Variants in REL observed in about 807,000 individuals in gnomAD.
REL encodes REL proto-oncogene, NF-kB subunit.
A neutral mutation model predicts 45.9 loss-of-function variants in REL; 15 were observed. That is an observed-to-expected ratio of 0.33 (90% CI 0.22 to 0.50). The LOEUF is 0.50. Ranked by LOEUF, REL falls within the 20% of genes least tolerant of loss-of-function variation. The pLI, the probability that REL is intolerant of heterozygous loss-of-function variation, is 0.98. For synonymous variants in REL, 239 were observed against 242.1 expected, an observed-to-expected ratio of 0.99 and a Z score of 0.12; for missense variants, 601 against 715.2, an observed-to-expected ratio of 0.84 and a Z score of 1.82.
rs1674283800 is a variant in REL, at chr2:60,927,035, AG to A, written c.*4502del. On this transcript the variant is annotated 3_prime_UTR_variant, in exon 10 of 10. Coordinates refer to ENST00000394479, the MANE Select transcript of REL (RefSeq NM_001291746.2). ...CTGGAACTAGAACACTCATCCTTGA[AG>A]GCTGGGCTTCTGTATGAAGGTTGGT... 1 of 228,588 alleles carries A rather than the reference AG, an allele frequency of 4.4e-6. No individual in the cohort carries two copies. Among genetic ancestry groups the A allele is most frequent in the South Asian group, 1.8e-4 (1 of 5,506 alleles). 14.2% of individuals were successfully genotyped at this position (228,588 alleles called of 1,614,324 possible).
chr2:60,915,728 G>C (rs571082145), intron 4 of REL, among the ~76,000 whole-genome samples: 1 of 152,110 alleles, frequency 6.6e-6, no homozygotes, highest in African/African-American at 2.4e-5. Flanking sequence ...TATTGCTATA[G>C]CTTATGGCAT....
At chr2:60,911,771 C>T (rs1273659121) in intron 4 of REL, among the ~76,000 whole-genome samples, 3 of 151,952 alleles carry the variant, frequency 2.0e-5, no homozygotes, top group African/African-American at 4.8e-5. Context: ...GAGGCCGAGG[C>T]GGGCGGATCA....
At chr2:60,898,622 T>G (rs1673419113) in intron 3 of REL, among the ~76,000 whole-genome samples, 1 of 152,256 alleles carries the variant, frequency 6.6e-6, no homozygotes, top group Non-Finnish European at 1.5e-5. Context: ...AGACTTTTTC[T>G]GTAAAGTACT....
chr2:60,917,050 T>C (rs764698893), intron 5 of REL, 33 bp downstream of exon 5: 15 of 1,562,024 alleles, frequency 9.6e-6, no homozygotes, highest in Non-Finnish European at 1.3e-5. Context: ...TTTGTAGTCT[T>C]AACTTGTTTT....
chr2:60,882,737 C>T (rs534183129), intron 1 of REL, among the ~76,000 whole-genome samples: 2 of 151,922 alleles, frequency 1.3e-5, no homozygotes, highest in South Asian at 2.1e-4. Context: ...CCTAATCTGA[C>T]GAATAGAGAC....
rs755936187 is a variant in REL, at chr2:60,901,148, C to CCCTTTTTTTTTTTTTTTTTT, written c.394+65_394+66insCCTTTTTTTTTTTTTTTTTT. 7.2e-6 allele frequency: 6 copies of CCCTTTTTTTTTTTTTTTTTT among 832,874 alleles called. 3 individuals are homozygous for CCCTTTTTTTTTTTTTTTTTT. The highest frequency in any genetic ancestry group is 4.8e-5 in the African/African-American group (2 of 41,388). 51.6% of individuals were successfully genotyped at this position (832,874 alleles called of 1,614,324 possible). On this transcript the variant is annotated intron_variant, in intron 4 of 9. Coordinates refer to ENST00000394479, the MANE Select transcript of REL (RefSeq NM_001291746.2). ...GTTGATTTCTGTTTCTTTTTTCTTT[C>CCCTTTTTTTTTTTTTTTTTT]TCTTTTTTTTTTTTTTTTTTTTTTT...
At chr2:60,906,679 A>G (rs1673660604) in intron 4 of REL, among the ~76,000 whole-genome samples, 1 of 151,700 alleles carries the variant, frequency 6.6e-6, no homozygotes, top group African/African-American at 2.4e-5. Context: ...GTTCTTTCTT[A>G]CCTCTGTGCT....
rs944839696 is a variant in REL at position 60,926,671 on chromosome 2, C to T, written c.*4136C>T. On this transcript the variant is annotated 3_prime_UTR_variant, in exon 10 of 10. Coordinates refer to ENST00000394479, the MANE Select transcript of REL (RefSeq NM_001291746.2). Reference sequence around the variant, plus strand: ...GAATGTCCTGATAAACTGGCTCGCTCTCTTCTTTACCTTCCATAATGGCAT... The same window carrying T: ...GAATGTCCTGATAAACTGGCTCGCTTTCTTCTTTACCTTCCATAATGGCAT... 1 of 228,716 alleles carries T rather than the reference C, an allele frequency of 4.4e-6. No individual in the cohort carries two copies. Among genetic ancestry groups the T allele is most frequent in the East Asian group, 6.2e-5 (1 of 16,244 alleles). The allele number at this position is 228,716 out of a possible 1,614,324, so 14.2% of individuals were successfully genotyped here. A position where few individuals can be genotyped will look rare whatever the true frequency, so the allele number is the denominator to read the frequency against.
At position 60,929,432 on chromosome 2, in the gene REL, C is replaced by G. The variant is rs1290941755; in HGVS notation, c.*6897C>G. ...ACTTGGAACCAACCCAAATGTCCAA[C>G]AATGATAGACTGGATTAAGAAAATG... On this transcript the variant is annotated 3_prime_UTR_variant, in exon 10 of 10. Coordinates refer to ENST00000394479, the MANE Select transcript of REL (RefSeq NM_001291746.2). The G allele has an allele frequency of 4.2e-5, 6 of 142,938 alleles. No individual in the cohort carries two copies. Among genetic ancestry groups the G allele is most frequent in the African/African-American group, 7.9e-5 (3 of 37,978 alleles). The allele number at this position is 142,938 out of a possible 1,614,324, so 8.9% of individuals were successfully genotyped here. A position where few individuals can be genotyped will look rare whatever the true frequency, so the allele number is the denominator to read the frequency against.
chr2:60,886,221 C>A (rs369510289), intron 1 of REL, among the ~76,000 whole-genome samples: 84 of 152,292 alleles, frequency 5.5e-4, no homozygotes, highest in African/African-American at 1.9e-3. Context: ...TTCTAAACAT[C>A]TCAAGTGGGG....
At chr2:60,882,554 A>T (rs1672971059) in intron 1 of REL, among the ~76,000 whole-genome samples, 1 of 152,062 alleles carries the variant, frequency 6.6e-6, no homozygotes, top group African/African-American at 2.4e-5. Flanking sequence ...GCGCGCCTGT[A>T]ATCCCAGCTA....
Position 60,930,191 on chromosome 2 carries a change from G to A in REL, c.*7656G>A, listed in dbSNP as rs1219896409. ...TTGTACTAAATAAAATGGTACATAA[G>A]AAGAAACACTGTAAATTATATAGTG... On this transcript the variant is annotated 3_prime_UTR_variant, in exon 10 of 10. Coordinates refer to ENST00000394479, the MANE Select transcript of REL (RefSeq NM_001291746.2). 2.6e-5 allele frequency: 4 copies of A among 152,234 alleles called. No homozygotes were observed. Among genetic ancestry groups the A allele is most frequent in the African/African-American group, 4.8e-5 (2 of 41,448 alleles). 9.4% of individuals were successfully genotyped at this position (152,234 alleles called of 1,614,324 possible). A position where few individuals can be genotyped will look rare whatever the true frequency, so the allele number is the denominator to read the frequency against.
At chr2:60,906,720 C>T (rs981124953) in intron 4 of REL, among the ~76,000 whole-genome samples, 2 of 151,826 alleles carry the variant, frequency 1.3e-5, no homozygotes, top group Non-Finnish European at 2.9e-5. Context: ...GCATGAAATA[C>T]CCTGATCTGC....
In REL at chr2:60,921,818, A is replaced by C. The variant is rs1032715015; in HGVS notation, c.1047A>C (p.Ser349=). ...TGAGAGAAATGCCTACAGGGGTTTC[A>C]AGTCAAGCAGAATCCTACTATCCCT... ...AVVREMPTGV[S]SQAESYYPSP... The change falls in exon 10 of 10, where the codon TCA becomes TCC. Residue 349 remains serine (S), a synonymous_variant. Transcript: ENST00000394479. 2.3e-5 allele frequency: 37 copies of C among 1,614,104 alleles called. No homozygotes were observed. Among genetic ancestry groups the C allele is most frequent in the Non-Finnish European group, 3.1e-5 (36 of 1,179,972 alleles).
chr2:60,895,110 C>T (rs1375724897), intron 3 of REL, among the ~76,000 whole-genome samples: 3 of 152,004 alleles, frequency 2.0e-5, no homozygotes, highest in East Asian at 1.9e-4. Flanking sequence ...CTGCCTGCCT[C>T]GGCCTCCCAA....
chr2:60,891,449 G>A (rs1026546791), intron 1 of REL, among the ~76,000 whole-genome samples: 1 of 152,004 alleles, frequency 6.6e-6, no homozygotes, highest in Admixed American at 6.5e-5. Flanking sequence ...GTGCTAACCA[G>A]TCAATATGGT....
chr2:60,894,551 T>C lies in REL; in HGVS notation c.302+6T>C, dbSNP rs755593753. Reference sequence around the variant, plus strand: ...CAAGAACGCAGACCTTTGTTGTAAGTACACAGTTACAGACATCTTCAGAAA... The same window carrying C: ...CAAGAACGCAGACCTTTGTTGTAAGCACACAGTTACAGACATCTTCAGAAA... On this transcript the variant is annotated splice_donor_region_variant and intron_variant, in intron 3 of 9. Coordinates refer to ENST00000394479, the MANE Select transcript of REL (RefSeq NM_001291746.2). 4.7e-5 allele frequency: 74 copies of C among 1,574,734 alleles called. 1 individual carries two copies. Among genetic ancestry groups the C allele is most frequent in the Non-Finnish European group, 5.6e-5 (65 of 1,160,978 alleles).
At position 60,929,252 on chromosome 2, in the gene REL, A is replaced by C. The variant is rs1414689266; in HGVS notation, c.*6717A>C. ...TGTAAACTAGTTCAACCATTGTGGAAGTCAGTGTGGCGATTCCTCAGGGAT... is the reference window on the plus strand; with the variant it reads ...TGTAAACTAGTTCAACCATTGTGGACGTCAGTGTGGCGATTCCTCAGGGAT... On this transcript the variant is annotated 3_prime_UTR_variant, in exon 10 of 10. Transcript: ENST00000394479. 2.0e-5 allele frequency: 3 copies of C among 148,576 alleles called. No homozygotes were observed. Among genetic ancestry groups the C allele is most frequent in the African/African-American group, 7.5e-5 (3 of 39,842 alleles). 9.2% of individuals were successfully genotyped at this position (148,576 alleles called of 1,614,324 possible). A position where few individuals can be genotyped will look rare whatever the true frequency, so the allele number is the denominator to read the frequency against.
chr2:60,902,142 T>G (rs1390622019), intron 4 of REL, among the ~76,000 whole-genome samples: 2 of 152,226 alleles, frequency 1.3e-5, no homozygotes, highest in Non-Finnish European at 2.9e-5. Context: ...TATTTCTTGG[T>G]CATATTTGAG....
Sources: gnomAD v4.1 joint callset for allele counts (sites outside exome capture counted in the v4.1 genomes callset) on GRCh38, gnomAD v4.1.1 for gene constraint, MANE v1.5 for transcripts, NCBI Gene and HGNC (gene_info 2026-07-23, HGNC 2026-07-21) for gene names.